The following KCNH7 variants were observed in gnomAD, a reference collection of about 807,000 sequenced individuals.
KCNH7 encodes the protein voltage-gated inwardly rectifying potassium channel KCNH7.
Under a neutral mutation model 120.8 loss-of-function variants are expected in KCNH7, and 49 were observed. That is an observed-to-expected ratio of 0.41 (90% CI 0.32 to 0.51). KCNH7 has a LOEUF of 0.51. KCNH7 is among the 20% of genes least tolerant of loss of function. The pLI is 0.38. For synonymous variants in KCNH7, 547 were observed against 516.1 expected (o/e 1.06, Z -0.81); for missense variants, 1,097 against 1,446.6 (o/e 0.76, Z 3.92).
chr2:162,757,827 T>C (rs1161947480), intron 2 of KCNH7, among the ~76,000 whole-genome samples: 1 of 152,178 alleles, frequency 6.6e-6, no homozygotes, highest in Non-Finnish European at 1.5e-5. Context: ...TCAAGTTATC[T>C]AGTTTTTTCA....
intron 2 of KCNH7, among the ~76,000 whole-genome samples, chr2:162,634,620 T>C (rs1409131080): frequency 6.6e-6 from 1 of 152,018 alleles, no homozygotes; most frequent in Non-Finnish European, 1.5e-5. Flanking sequence ...ATGAGGGGAC[T>C]GAGACCCAGG....
intron 3 of KCNH7, among the ~76,000 whole-genome samples, chr2:162,518,813 T>G (rs1574056139): frequency 6.7e-6 from 1 of 149,536 alleles, no homozygotes; most frequent in Non-Finnish European, 1.5e-5. Flanking sequence ...GTTTTCTGTT[T>G]TTTTTTTTTT....
At chr2:162,693,271 A>C (rs1686177965) in intron 2 of KCNH7, among the ~76,000 whole-genome samples, 1 of 152,208 alleles carries the variant, frequency 6.6e-6, no homozygotes, top group South Asian at 2.1e-4. Flanking sequence ...CCACACACAA[A>C]AAAATGATCA....
intron 2 of KCNH7, among the ~76,000 whole-genome samples, chr2:162,747,846 T>C (rs1419287356): frequency 6.6e-6 from 1 of 152,180 alleles, no homozygotes; most frequent in Non-Finnish European, 1.5e-5. Flanking sequence ...TCATAAGAAC[T>C]ACTTAAAGTA....
chr2:162,773,628 A>C (rs958389164), intron 2 of KCNH7, among the ~76,000 whole-genome samples: 2 of 152,140 alleles, frequency 1.3e-5, no homozygotes, highest in African/African-American at 2.4e-5. Flanking sequence ...AGAAACAAAA[A>C]CAAAAACCTA....
intron 6 of KCNH7, among the ~76,000 whole-genome samples, chr2:162,452,947 T>G (rs1425458409): frequency 6.6e-6 from 1 of 152,092 alleles, no homozygotes; most frequent in East Asian, 1.9e-4. Context: ...TTATTTTATT[T>G]CATTTTTATT....
chr2:162,718,965 G>T (rs1030301406), intron 2 of KCNH7, among the ~76,000 whole-genome samples: 1 of 151,924 alleles, frequency 6.6e-6, no homozygotes, highest in East Asian at 1.9e-4. Flanking sequence ...ATGCAGAAAA[G>T]AATTTGGAAA....
chr2:162,480,765 C>T (rs1689905008), intron 6 of KCNH7, among the ~76,000 whole-genome samples: 1 of 152,066 alleles, frequency 6.6e-6, no homozygotes, highest in Non-Finnish European at 1.5e-5. Flanking sequence ...ATGAAGGGAA[C>T]ATTTTGGAAT....
At chr2:162,772,519 G>A (rs1683093207) in intron 2 of KCNH7, among the ~76,000 whole-genome samples, 1 of 146,754 alleles carries the variant, frequency 6.8e-6, no homozygotes, top group Non-Finnish European at 1.5e-5. Flanking sequence ...ATTTTCTCCT[G>A]TTGGAGTATT....
intron 2 of KCNH7, among the ~76,000 whole-genome samples, chr2:162,601,471 T>C (rs1255350386): frequency 1.5e-5 from 2 of 134,004 alleles, no homozygotes; most frequent in African/African-American, 2.7e-5. Flanking sequence ...AACTTCTAAA[T>C]CAGGACACAA....
intron 2 of KCNH7, among the ~76,000 whole-genome samples, chr2:162,733,115 T>C (rs1485569475): frequency 6.6e-6 from 1 of 152,192 alleles, no homozygotes; most frequent in Non-Finnish European, 1.5e-5. Context: ...GGAAGTGGGC[T>C]TGGCTCTCAG....
At chr2:162,725,285 TAA>T (rs141698292) in intron 2 of KCNH7, among the ~76,000 whole-genome samples, 3 of 152,154 alleles carry the variant, frequency 2.0e-5, no homozygotes, top group Non-Finnish European at 4.4e-5. Flanking sequence ...ATCACATTGA[TAA>T]AAAAGTCTTC....
intron 6 of KCNH7, among the ~76,000 whole-genome samples, chr2:162,475,545 G>A (rs1689706201): frequency 6.6e-6 from 1 of 152,156 alleles, no homozygotes; most frequent in African/African-American, 2.4e-5. Context: ...AACACATACA[G>A]TACAGCCAAG....
chr2:162,605,890 C>T (rs2105961533), intron 2 of KCNH7, among the ~76,000 whole-genome samples: 1 of 152,050 alleles, frequency 6.6e-6, no homozygotes, highest in East Asian at 1.9e-4. Flanking sequence ...ACAACTTTTA[C>T]AAGTTAAAAA....
chr2:162,794,994 T>G (rs1684086783), intron 2 of KCNH7, among the ~76,000 whole-genome samples: 1 of 152,064 alleles, frequency 6.6e-6, no homozygotes, highest in Non-Finnish European at 1.5e-5. Flanking sequence ...TTTCAAGCTA[T>G]TCATTGCAGT....
At position 162,440,423 on chromosome 2, in the gene KCNH7, G is replaced by T. The variant is rs1688382932; in HGVS notation, c.1555-4826C>A. ...TTTCATTACTCCACACTCATATTTT[G>T]CTTTAGATTTCATTTCAGCTAATCC... is the stretch of plus-strand genomic sequence containing the variant. On this transcript the variant is annotated intron_variant, in intron 7 of 15. Transcript: ENST00000332142. Among the ~76,000 whole-genome samples the T allele has an allele frequency of 2.0e-5, 3 of 151,842 alleles. No homozygotes were observed. The South Asian group carries it at 6.2e-4, about 32-fold the overall frequency.
At chr2:162,574,697 G>A (rs1388851405) in intron 2 of KCNH7, among the ~76,000 whole-genome samples, 3 of 152,038 alleles carry the variant, frequency 2.0e-5, no homozygotes, top group African/African-American at 7.2e-5. Flanking sequence ...GAAAGCTGGA[G>A]GTGAAAGGAG....
At chr2:162,460,437 T>C (rs976092896) in intron 6 of KCNH7, among the ~76,000 whole-genome samples, 1 of 152,172 alleles carries the variant, frequency 6.6e-6, no homozygotes, top group Non-Finnish European at 1.5e-5. Context: ...AGAAGGATGA[T>C]GACTTTTTAA....
chr2:162,464,948 C>G (rs1486106823), intron 6 of KCNH7, among the ~76,000 whole-genome samples: 1 of 152,066 alleles, frequency 6.6e-6, no homozygotes, highest in Admixed American at 6.6e-5. Flanking sequence ...GGGTTGCCAA[C>G]TTTTTACTTA....
Sources: gnomAD v4.1 joint callset for allele counts (sites outside exome capture counted in the v4.1 genomes callset) on GRCh38, gnomAD v4.1.1 for gene constraint, MANE v1.5 for transcripts, NCBI Gene and HGNC (gene_info 2026-07-23, HGNC 2026-07-21) for gene names.